The following TBXAS1 variants were observed in gnomAD, a reference collection of about 807,000 sequenced individuals.
TBXAS1 encodes thromboxane A synthase 1, also known as thromboxane-A synthase.
Under a neutral mutation model 60.7 loss-of-function variants are expected in TBXAS1, and 48 were observed. That is an observed-to-expected ratio of 0.79 (90% CI 0.63 to 1.01). The LOEUF (loss-of-function observed/expected upper bound fraction) is 1.01, where lower values mean the gene tolerates loss of function less well. Ranked by LOEUF, TBXAS1 falls within the 50% of genes least tolerant of loss-of-function variation. TBXAS1 has a pLI of 0.00. For synonymous variants in TBXAS1, 287 were observed against 269.7 expected (o/e 1.06, Z -0.63); for missense variants, 685 against 686.3 (o/e 1.00, Z 0.02).
chr7:139,785,754 A>G (rs940960090), intron 3 of TBXAS1, among the ~76,000 whole-genome samples: 11 of 151,700 alleles, frequency 7.3e-5, no homozygotes, highest in African/African-American at 1.5e-4. Context: ...TGACACCTAA[A>G]TCCCATCATG....
chr7:139,844,762 G>T lies in TBXAS1; in HGVS notation c.89+15283G>T. Among the ~76,000 whole-genome samples, 2 of 152,204 alleles carry T rather than the reference G, an allele frequency of 1.3e-5. 1 individual carries two copies. Among genetic ancestry groups the T allele is most frequent in the Non-Finnish European group, 2.9e-5 (2 of 68,042 alleles). On this transcript the variant is annotated intron_variant, in intron 1 of 12. Transcript: ENST00000448866. ...CGTACACAGAGAGTGAGCAAAATTG[G>T]TAGCATCATCTCATGATCTAAGAGC...
At position 139,884,765 on chromosome 7, in the gene TBXAS1, G is replaced by C. The variant is rs575125018; in HGVS notation, c.236+9128G>C. 1.5e-3 allele frequency among the ~76,000 whole-genome samples: 230 copies of C among 152,322 alleles called. 1 individual carries two copies. Among genetic ancestry groups the C allele is most frequent in the Middle Eastern group, 6.8e-3 (2 of 294 alleles). ...GTGGACACCAGGGCCCCACTAGTGG[G>C]TGGTTCAGGAACCTGAGAAGCCCCC... On this transcript the variant is annotated intron_variant, in intron 3 of 12. Transcript: ENST00000448866.
At chr7:139,782,821 GT>G (rs1453232233) in intron 3 of TBXAS1, 2 of 152,136 alleles carry the variant, frequency 1.3e-5, no homozygotes, top group Non-Finnish European at 2.9e-5. Context: ...CTGACTGTGT[GT>G]CTAATTTTCT....
intron 5 of TBXAS1, among the ~76,000 whole-genome samples, chr7:139,940,033 C>T (rs1256082637): frequency 6.6e-6 from 1 of 152,180 alleles, no homozygotes; most frequent in African/African-American, 2.4e-5. Context: ...CCTGAAGGTG[C>T]CTCTGAGGAA....
Position 139,864,246 on chromosome 7 carries a change from T to TA in TBXAS1, c.90-7976dup, listed in dbSNP as rs78154434. ...GGATCATTGATTACAACGCTGGCATTAAAAAAAAAAAAAGGTGCTCCTATA... is the reference window on the plus strand; with the variant it reads ...GGATCATTGATTACAACGCTGGCATTAAAAAAAAAAAAAAGGTGCTCCTATA... On this transcript the variant is annotated intron_variant, in intron 1 of 12. Transcript: ENST00000448866. Among the ~76,000 whole-genome samples the TA allele has an allele frequency of 3.6e-3, 497 of 138,976 alleles. 3 individuals are homozygous for TA. The highest frequency in any genetic ancestry group is 0.014 in the East Asian group (67 of 4,824). 91.2% of individuals were successfully genotyped at this position (138,976 alleles called of 152,430 possible). A position where few individuals can be genotyped will look rare whatever the true frequency, so the allele number is the denominator to read the frequency against.
intron 9 of TBXAS1, among the ~76,000 whole-genome samples, chr7:139,973,097 CA>C (rs1249762983): frequency 1.3e-5 from 2 of 152,026 alleles, no homozygotes; most frequent in African/African-American, 4.8e-5. Context: ...AATTGCAGTG[CA>C]ATTGCCCAGA....
In TBXAS1 at chr7:139,896,999, G is replaced by A. The variant is rs1584794653; in HGVS notation, c.237-14226G>A. On this transcript the variant is annotated intron_variant, in intron 3 of 12. Coordinates refer to ENST00000448866, the MANE Select transcript of TBXAS1 (RefSeq NM_001061.7). The surrounding 1 kb of genome is among the most constrained non-coding windows in gnomAD (Gnocchi z 4.0). ...CTGGGAGCTCCTCAGTGGTCCAGGC[G>A]AGAGAGACAGGGCCTGAAGCCAGTT... 1.3e-5 allele frequency among the ~76,000 whole-genome samples: 2 copies of A among 152,196 alleles called. No individual in the cohort carries two copies. The highest frequency in any genetic ancestry group is 6.5e-5 in the Admixed American group (1 of 15,282).
chr7:139,871,711 C>T (rs1801837863), intron 1 of TBXAS1, among the ~76,000 whole-genome samples: 1 of 152,118 alleles, frequency 6.6e-6, no homozygotes, highest in African/African-American at 2.4e-5. Context: ...TGGCGCCTTC[C>T]CTCCGTTCCT....
Position 140,011,343 on chromosome 7 carries a change from G to GAAA in TBXAS1, c.1226+4167_1226+4169dup, listed in dbSNP as rs56317793. ...TAAACAATGAAGAATAAAAAAAAAA[G>GAAA]AAAAAAAAGGCCCCCTGCCATTCTC... On this transcript the variant is annotated intron_variant, in intron 10 of 12. Transcript: ENST00000448866. Among the ~76,000 whole-genome samples the GAAA allele has an allele frequency of 8.5e-3, 1,266 of 148,414 alleles. 31 individuals carry two copies. The highest frequency in any genetic ancestry group is 0.03 in the African/African-American group (1,197 of 39,768).
intron 4 of TBXAS1, among the ~76,000 whole-genome samples, chr7:139,935,905 G>A (rs183624084): frequency 2.2e-4 from 34 of 152,318 alleles, no homozygotes; most frequent in African/African-American, 8.2e-4. Context: ...GGGGACTGCA[G>A]AACACACAGA....
intron 4 of TBXAS1, among the ~76,000 whole-genome samples, chr7:139,803,145 G>A (rs764281267): frequency 7.9e-5 from 12 of 152,300 alleles, no homozygotes; most frequent in Non-Finnish European, 1.8e-4. Context: ...ACGAAGACAG[G>A]AAAATATGAG....
intron 1 of TBXAS1, among the ~76,000 whole-genome samples, chr7:139,836,248 C>T (rs1253020833): frequency 1.3e-5 from 2 of 152,072 alleles, no homozygotes; most frequent in African/African-American, 4.8e-5. Context: ...CTGCCAAAAG[C>T]AATCTACAAA....
At chr7:139,838,289 G>A (rs1304711172) in intron 1 of TBXAS1, among the ~76,000 whole-genome samples, 1 of 152,226 alleles carries the variant, frequency 6.6e-6, no homozygotes, top group East Asian at 1.9e-4. Flanking sequence ...GCACTGAGGA[G>A]CCCCCTCTCA....
chr7:139,974,649 G>A (rs1270239126), intron 9 of TBXAS1, among the ~76,000 whole-genome samples: 1 of 152,144 alleles, frequency 6.6e-6, no homozygotes, highest in Non-Finnish European at 1.5e-5. Context: ...AAGATTAAAC[G>A]AGTTAAGAAT....
chr7:139,991,912 G>A (rs956635506), intron 9 of TBXAS1, among the ~76,000 whole-genome samples: 6 of 152,234 alleles, frequency 3.9e-5, no homozygotes, highest in African/African-American at 1.4e-4. Context: ...CCCAGCCTAG[G>A]CACCAGAGCT....
chr7:139,903,776 T>A (rs1804761440), intron 3 of TBXAS1, among the ~76,000 whole-genome samples: 1 of 152,100 alleles, frequency 6.6e-6, no homozygotes, highest in African/African-American at 2.4e-5. Context: ...ATTCAGGTCC[T>A]TAGCCCACTT....
At chr7:139,861,686 G>A (rs915178578) in intron 1 of TBXAS1, among the ~76,000 whole-genome samples, 3 of 152,218 alleles carry the variant, frequency 2.0e-5, no homozygotes, top group East Asian at 1.9e-4. Flanking sequence ...ATCTGACAAC[G>A]GTAACACATG....
At chr7:139,845,823 G>GTTTT (rs11330197) in intron 1 of TBXAS1, among the ~76,000 whole-genome samples, 1 of 130,226 alleles carries the variant, frequency 7.7e-6, no homozygotes, top group Admixed American at 7.9e-5. Context: ...TTGAACTCTA[G>GTTTT]TTTTTTTTTT....
At position 139,977,520 on chromosome 7, in the gene TBXAS1, A is replaced by G. The variant is rs1034670927; in HGVS notation, c.1134+15287A>G. Among the ~76,000 whole-genome samples the G allele has an allele frequency of 5.3e-5, 8 of 152,174 alleles. No individual in the cohort carries two copies. The East Asian group carries it at 1.2e-3, about 22-fold the overall frequency. ...GTTTGGGTGAGGACACAGCCAAACCATATCAGAGGGTGAGGGGCTATTTCT... is the reference window on the plus strand; with the variant it reads ...GTTTGGGTGAGGACACAGCCAAACCGTATCAGAGGGTGAGGGGCTATTTCT... On this transcript the variant is annotated intron_variant, in intron 9 of 12. Coordinates refer to ENST00000448866, the MANE Select transcript of TBXAS1 (RefSeq NM_001061.7).
Sources: allele counts gnomAD v4.1 joint callset (sites outside exome capture counted in the v4.1 genomes callset), GRCh38; gene constraint gnomAD v4.1.1; non-coding constraint Gnocchi (gnomAD v3.1); transcripts MANE v1.5; gene names NCBI Gene and HGNC (gene_info 2026-07-23, HGNC 2026-07-21).